The following PREX1 variants were observed in gnomAD, a reference collection of about 807,000 sequenced individuals.
The protein encoded by PREX1 is phosphatidylinositol 3,4,5-trisphosphate-dependent Rac exchanger 1 protein.
In PREX1, 41 loss-of-function variants were observed where a neutral mutation model predicts 198.3. That is an observed-to-expected ratio of 0.21 (90% CI 0.16 to 0.27). The LOEUF (loss-of-function observed/expected upper bound fraction) is 0.27. Ranked by LOEUF, PREX1 falls within the 10% of genes least tolerant of loss-of-function variation. PREX1 has a pLI of 1.00. For missense variants in PREX1, 1,620 were observed against 2,200.7 expected, an observed-to-expected ratio of 0.74 and a Z score of 5.28; for synonymous variants, 843 against 887.2, an observed-to-expected ratio of 0.95 and a Z score of 0.89.
intron 1 of PREX1, among the ~76,000 whole-genome samples, chr20:48,817,378 T>C (rs1483801225): frequency 2.0e-5 from 3 of 152,198 alleles, no homozygotes; most frequent in Admixed American, 6.5e-5. Context: ...GTGTTCAAGA[T>C]GATATGCTGT....
chr20:48,708,478 A>C, intron 5 of PREX1, 57 bp from the exon 6 acceptor site: 1 of 1,573,794 alleles, frequency 6.4e-7, no homozygotes, highest in Non-Finnish European at 8.7e-7. Flanking sequence ...TCCAGAGGAG[A>C]CCCAGGCCAG....
At chr20:48,747,719 G>T in intron 2 of PREX1, 90 bp downstream of exon 2, 1 of 1,389,394 alleles carries the variant, frequency 7.2e-7, no homozygotes, top group Non-Finnish European at 1.0e-6. Context: ...GCCTCCCCCT[G>T]CATGCACACC....
At chr20:48,679,476 TGATGGGAGA>T in intron 12 of PREX1, 67 bp from the exon 13 acceptor site, 1 of 1,529,300 alleles carries the variant, frequency 6.5e-7, no homozygotes, top group Non-Finnish European at 9.0e-7. Flanking sequence ...AAATCCAGGC[TGATGGGAGA>T]GATGGCTTCC....
At chr20:48,696,220 A>G (rs149603221) in intron 7 of PREX1, among the ~76,000 whole-genome samples, 1 of 152,190 alleles carries the variant, frequency 6.6e-6, no homozygotes, top group African/African-American at 2.4e-5. Flanking sequence ...TAGAAGTGTT[A>G]TTGTTCTACC....
chr20:48,627,084 G>C (rs1052301605), intron 39 of PREX1, among the ~76,000 whole-genome samples: 1 of 152,194 alleles, frequency 6.6e-6, no homozygotes, highest in African/African-American at 2.4e-5. Flanking sequence ...CTGCTGTTCA[G>C]TTCGCATTTC....
At chr20:48,825,174 C>T (rs1002486632) in intron 1 of PREX1, among the ~76,000 whole-genome samples, 3 of 152,170 alleles carry the variant, frequency 2.0e-5, no homozygotes, top group African/African-American at 4.8e-5. Context: ...TGTTTAGGGG[C>T]CATTCCTGAC....
At chr20:48,884,948 C>A in the PREX1 span, among the ~76,000 whole-genome samples, 32 of 152,314 alleles carry the variant, frequency 2.1e-4, 1 homozygote, top group African/African-American at 7.2e-4. Flanking sequence ...GGTTTTAAAT[C>A]TGGATAATGT....
At position 48,666,207 on chromosome 20, in the gene PREX1, T is replaced by C. The variant is rs1247897436; in HGVS notation, c.1738+76A>G. 1.6e-5 allele frequency: 23 copies of C among 1,435,182 alleles called. No homozygotes were observed. Among genetic ancestry groups the C allele is most frequent in the Non-Finnish European group, 2.1e-5 (22 of 1,052,666 alleles). The allele number at this position is 1,435,182 out of a possible 1,614,324, so 88.9% of individuals were successfully genotyped here. A position where few individuals can be genotyped will look rare whatever the true frequency, so the allele number is the denominator to read the frequency against. On this transcript the variant is annotated intron_variant, in intron 15 of 39. Coordinates refer to ENST00000371941, the MANE Select transcript of PREX1 (RefSeq NM_020820.4). This position sits in a 1 kb window ranked among gnomAD's most constrained non-coding sequence, Gnocchi z 4.3. ...TAGAGAGCCACAGACCTGGCTTCAG[T>C]CCTCCCATACTCCCCCAAACCATCA... is the stretch of plus-strand genomic sequence containing the variant.
chr20:48,787,486 G>A (rs2090318624), intron 1 of PREX1, among the ~76,000 whole-genome samples: 1 of 151,962 alleles, frequency 6.6e-6, no homozygotes, highest in Non-Finnish European at 1.5e-5. Context: ...GCCAGCCGGG[G>A]TCCACAAGAG....
intron 1 of PREX1, among the ~76,000 whole-genome samples, chr20:48,822,925 C>T (rs1452931272): frequency 6.6e-6 from 1 of 152,112 alleles, no homozygotes; most frequent in Non-Finnish European, 1.5e-5. Flanking sequence ...AAAGACCTGC[C>T]CCCACCCCAA....
At chr20:48,882,660 C>T in the PREX1 span, among the ~76,000 whole-genome samples, 10 of 152,006 alleles carry the variant, frequency 6.6e-5, no homozygotes, top group South Asian at 4.1e-4. Context: ...AACTGCCAAA[C>T]TGTTTTCCAA....
intron 1 of PREX1, among the ~76,000 whole-genome samples, chr20:48,800,794 T>A (rs1452204802): frequency 6.6e-6 from 1 of 152,040 alleles, no homozygotes; most frequent in African/African-American, 2.4e-5. Flanking sequence ...ACATGACACA[T>A]GACCTAACCA....
chr20:48,692,567 A>G (rs796778383), intron 8 of PREX1, 105 bp downstream of exon 8: 1 of 909,644 alleles, frequency 1.1e-6, no homozygotes, highest in Admixed American at 2.4e-5. Flanking sequence ...TAGGTAGATT[A>G]CATCTCATGA....
chr20:48,798,033 A>G (rs2122998724), intron 1 of PREX1, among the ~76,000 whole-genome samples: 1 of 152,276 alleles, frequency 6.6e-6, no homozygotes, highest in African/African-American at 2.4e-5. Flanking sequence ...GTAACCTTTA[A>G]GGGTTGGGAA....
intron 26 of PREX1, 39 bp from the exon 27 acceptor site, chr20:48,644,536 G>A (rs1360944435): frequency 3.8e-6 from 6 of 1,575,322 alleles, no homozygotes; most frequent in South Asian, 3.4e-5. Context: ...GTCACCCTGA[G>A]CTCAGGCCAT....
chr20:48,769,412 C>T (rs1420922263), intron 1 of PREX1, among the ~76,000 whole-genome samples: 4 of 152,302 alleles, frequency 2.6e-5, no homozygotes, highest in African/African-American at 4.8e-5. Flanking sequence ...ACTCTACCGT[C>T]GTCGCTGGGG....
At chr20:48,876,777 A>G in the PREX1 span, among the ~76,000 whole-genome samples, 4 of 152,176 alleles carry the variant, frequency 2.6e-5, no homozygotes, top group Non-Finnish European at 5.9e-5. Context: ...AATATTTACC[A>G]TCTTTTATTT....
the PREX1 span, among the ~76,000 whole-genome samples, chr20:48,856,196 T>G: frequency 6.6e-6 from 1 of 152,204 alleles, no homozygotes; most frequent in African/African-American, 2.4e-5. Flanking sequence ...GACAAGGCCT[T>G]GCTGTCTCCT....
chr20:48,645,058 T>C (rs534591564), intron 26 of PREX1, among the ~76,000 whole-genome samples: 6 of 152,344 alleles, frequency 3.9e-5, no homozygotes, highest in African/African-American at 1.4e-4. Context: ...ACTATGGACA[T>C]GAGGCTCTGG....
Sources: gnomAD v4.1 joint callset for allele counts (sites outside exome capture counted in the v4.1 genomes callset) on GRCh38, gnomAD v4.1.1 for gene constraint, Gnocchi (gnomAD v3.1) non-coding constraint, MANE v1.5 for transcripts, NCBI Gene and HGNC (gene_info 2026-07-23, HGNC 2026-07-21) for gene names.